Variants in DHRS7 observed in about 807,000 individuals in gnomAD.
DHRS7 encodes the protein dehydrogenase/reductase 7.
Under a neutral mutation model 38.9 loss-of-function variants are expected in DHRS7, and 34 were observed. The ratio of observed to expected loss-of-function variants is 0.87; its 90% CI spans 0.66 to 1.16. DHRS7 has a LOEUF of 1.16. Ranked by LOEUF, DHRS7 falls within the 50% of genes most tolerant of loss-of-function variation. The pLI is 0.00. For missense variants in DHRS7, 421 were observed against 407.0 expected (o/e 1.03, Z -0.30); for synonymous variants, 158 against 153.1 (o/e 1.03, Z -0.24).
At chr14:60,168,672 CT>C, upstream of DHRS7, 3 of 1,543,870 alleles carry the variant, frequency 1.9e-6, no homozygotes, top group Non-Finnish European at 2.6e-6. Context: ...CTCTCCTTCT[CT>C]TTTTTCTCCC....
intron 1 of DHRS7, among the ~76,000 whole-genome samples, chr14:60,163,505 A>G (rs1644070502): frequency 6.6e-6 from 1 of 152,232 alleles, no homozygotes; most frequent in South Asian, 2.1e-4. Flanking sequence ...AATTTATCAA[A>G]CTACATGTGC....
chr14:60,151,963 A>G (rs1255933344), intron 4 of DHRS7, among the ~76,000 whole-genome samples: 1 of 152,162 alleles, frequency 6.6e-6, no homozygotes, highest in Non-Finnish European at 1.5e-5. Flanking sequence ...GGCTTGCCCA[A>G]CTGCTCCACA....
At chr14:60,152,734 A>G (rs1039380361) in intron 4 of DHRS7, 1 of 595,154 alleles carries the variant, frequency 1.7e-6, no homozygotes, top group Non-Finnish European at 3.0e-6. Flanking sequence ...TGCTTGATAC[A>G]TATTTATTTG....
At chr14:60,154,290 A>G (rs576970405) in intron 2 of DHRS7, among the ~76,000 whole-genome samples, 1 of 152,228 alleles carries the variant, frequency 6.6e-6, no homozygotes, top group African/African-American at 2.4e-5. Flanking sequence ...ATGCAGTCTA[A>G]CTTTACAATT....
rs1896365997 is a variant in DHRS7 at position 60,145,123 on chromosome 14, A to T, written c.973-110T>A. Reference sequence around the variant, plus strand: ...GCTGTATCATTATGATTCACTATTAAGAATCTTTACAAAAGTTCAGAAACT... The same window carrying T: ...GCTGTATCATTATGATTCACTATTATGAATCTTTACAAAAGTTCAGAAACT... On this transcript the variant is annotated intron_variant, in intron 6 of 6. Transcript: ENST00000557185. This position sits in a 1 kb window ranked among gnomAD's most constrained non-coding sequence, Gnocchi z 4.0. 1 of 742,640 alleles carries T rather than the reference A, an allele frequency of 1.3e-6. No homozygotes were observed. The allele number at this position is 742,640 out of a possible 1,614,324, so 46.0% of individuals were successfully genotyped here.
intron 1 of DHRS7, among the ~76,000 whole-genome samples, chr14:60,157,927 G>A (rs537556490): frequency 1.2e-4 from 19 of 152,094 alleles, no homozygotes; most frequent in African/African-American, 4.3e-4. Flanking sequence ...TAAGAAAAAG[G>A]TTCCATGTAA....
At chr14:60,155,318 G>A (rs959602839) in intron 2 of DHRS7, among the ~76,000 whole-genome samples, 2 of 152,060 alleles carry the variant, frequency 1.3e-5, no homozygotes, top group African/African-American at 4.8e-5. Flanking sequence ...GTGTGGTGGT[G>A]CACGTCTGTG....
At position 60,159,925 on chromosome 14, in the gene DHRS7, A is replaced by G. The variant is rs577163178; in HGVS notation, c.134-3773T>C. On this transcript the variant is annotated intron_variant, in intron 1 of 6. Coordinates refer to ENST00000557185, the MANE Select transcript of DHRS7 (RefSeq NM_016029.4). Reference sequence around the variant, plus strand: ...TTGTGATATTTAATACTAAGATAGAATTGCTGGTTTCTCTTTAATCAATTG... The same window carrying G: ...TTGTGATATTTAATACTAAGATAGAGTTGCTGGTTTCTCTTTAATCAATTG... Among the ~76,000 whole-genome samples the G allele has an allele frequency of 3.9e-5, 6 of 152,362 alleles. No homozygotes were observed. In the South Asian group the frequency reaches 1.2e-3, roughly 32 times the overall value.
At chr14:60,166,107 C>A, upstream of DHRS7, 2 of 505,148 alleles carry the variant, frequency 4.0e-6, no homozygotes, top group Non-Finnish European at 5.1e-6. Context: ...AAGGTCTTGC[C>A]TACTCTAATA....
At chr14:60,159,280 C>A in intron 1 of DHRS7, 1 of 430,806 alleles carries the variant, frequency 2.3e-6, no homozygotes, top group South Asian at 2.0e-5. Context: ...AATTTCATGT[C>A]AGCTTCTAGT....
intron 4 of DHRS7, among the ~76,000 whole-genome samples, chr14:60,152,105 A>T (rs1896558458): frequency 1.3e-5 from 2 of 152,360 alleles, no homozygotes; most frequent in South Asian, 2.1e-4. Context: ...TCAAATTTTC[A>T]TGAAACCATG....
At position 60,150,155 on chromosome 14, in the gene DHRS7, G is replaced by A; in HGVS notation, c.666C>T (p.Ala222=). The change falls in exon 5 of 7, where the codon GCC becomes GCT. Residue 222 remains alanine (A), a synonymous_variant. Transcript: ENST00000557185. ...TAGAAACTATTATACCTGGGTATGT[G>A]GCAAGTTCTGTTCGAAGGCCATTAA... ...GFFNGLRTEL[A]TYPGIIVSNI... 1 of 1,578,898 alleles carries A rather than the reference G, an allele frequency of 6.3e-7. No individual in the cohort carries two copies. Among genetic ancestry groups the A allele is most frequent in the Non-Finnish European group, 8.6e-7 (1 of 1,166,552 alleles).
At position 60,150,124 on chromosome 14, in the gene DHRS7, A is replaced by G. The variant is rs1226074108; in HGVS notation, c.697T>C (p.Cys233Arg). The change falls in exon 5 of 7, where the codon TGC (cysteine) becomes CGC (arginine). Residue 233 changes from cysteine to arginine, a missense_variant. Coordinates refer to ENST00000557185, the MANE Select transcript of DHRS7 (RefSeq NM_016029.4). ...TYPGIIVSNICPGPVQSNIVE... is the reference protein window; with the variant it reads ...TYPGIIVSNIRPGPVQSNIVE... The stretch of plus-strand genomic sequence containing the variant: ...ATATTTGATTGCACAGGTCCTGGGC[A>G]AATGTTAGAAACTATTATACCTGGG... 1 of 1,609,150 alleles carries G rather than the reference A, an allele frequency of 6.2e-7. No homozygotes were observed. The highest frequency in any genetic ancestry group is 1.7e-5 in the Admixed American group (1 of 59,222).
intron 2 of DHRS7, 113 bp from the exon 3 acceptor site, chr14:60,154,178 G>T (rs1896611427): frequency 2.7e-6 from 2 of 747,940 alleles, no homozygotes; most frequent in Admixed American, 4.7e-5. Context: ...TCATTTCTGG[G>T]TGGCCCTGTG....
upstream of DHRS7, chr14:60,166,228 A>T: frequency 1.0e-6 from 1 of 985,456 alleles, no homozygotes. Flanking sequence ...CAATAGTAGC[A>T]TCTTTCTTGT....
chr14:60,154,696 A>AC (rs1426863371), intron 2 of DHRS7, among the ~76,000 whole-genome samples: 1 of 152,262 alleles, frequency 6.6e-6, no homozygotes. Context: ...TATAGAAAAT[A>AC]GAAGAGGTAA....
In DHRS7 at chr14:60,161,611, C is replaced by T. The variant is rs1896765723; in HGVS notation, c.133+3566G>A. ...TATCAGGTTTCCTCACTCTTCTGCT[C>T]ACACCCACCTGCACCAATTCTAGTT... On this transcript the variant is annotated intron_variant, in intron 1 of 6. Coordinates refer to ENST00000557185, the MANE Select transcript of DHRS7 (RefSeq NM_016029.4). This position sits in a 1 kb window ranked among gnomAD's most constrained non-coding sequence, Gnocchi z 4.2. Among the ~76,000 whole-genome samples the T allele has an allele frequency of 6.6e-6, 1 of 152,184 alleles. No individual in the cohort carries two copies. Among genetic ancestry groups the T allele is most frequent in the African/African-American group, 2.4e-5 (1 of 41,428 alleles).
In DHRS7 at chr14:60,153,526, CTCTACTAAAAAA is replaced by C. The variant is rs1455162400; in HGVS notation, c.394-360_394-349del. 1.3e-5 allele frequency among the ~76,000 whole-genome samples: 2 copies of C among 152,058 alleles called. No homozygotes were observed. Among genetic ancestry groups the C allele is most frequent in the African/African-American group, 4.8e-5 (2 of 41,396 alleles). Reference sequence around the variant, plus strand: ...CCTGACCAACATGGTGAAACCCCATCTCTACTAAAAAATATAAAAATTAGCTGGGCGTGATGG... The same window carrying C: ...CCTGACCAACATGGTGAAACCCCATCTATAAAAATTAGCTGGGCGTGATGG... On this transcript the variant is annotated intron_variant, in intron 3 of 6. Transcript: ENST00000557185. This position sits in a 1 kb window ranked among gnomAD's most constrained non-coding sequence, Gnocchi z 4.4.
chr14:60,157,149 A>G (rs915169894), intron 1 of DHRS7, among the ~76,000 whole-genome samples: 3 of 152,234 alleles, frequency 2.0e-5, no homozygotes, highest in Non-Finnish European at 4.4e-5. Context: ...AAACAGCTCT[A>G]AATCCTAACT....
Sources: gnomAD v4.1 joint callset for allele counts (sites outside exome capture counted in the v4.1 genomes callset) on GRCh38, gnomAD v4.1.1 for gene constraint, Gnocchi (gnomAD v3.1) non-coding constraint, MANE v1.5 for transcripts, NCBI Gene and HGNC (gene_info 2026-07-23, HGNC 2026-07-21) for gene names.